The following EBF3 variants were observed in gnomAD, a reference collection of about 807,000 sequenced individuals.
EBF3 encodes the protein EBF transcription factor 3.
EBF3 carries 18 observed loss-of-function variants against 77.1 expected under a neutral mutation model. That is an observed-to-expected ratio of 0.23 (90% CI 0.16 to 0.35). EBF3 has a LOEUF of 0.35. Ranked by LOEUF, EBF3 falls within the 10% of genes least tolerant of loss-of-function variation. The pLI, the probability that EBF3 is intolerant of heterozygous loss-of-function variation, is 1.00. For synonymous variants in EBF3, 350 were observed against 343.5 expected, an observed-to-expected ratio of 1.02 and a Z score of -0.21; for missense variants, 558 against 860.0, an observed-to-expected ratio of 0.65 and a Z score of 4.39.
At chr10:129,893,568 A>G (rs951004637) in intron 6 of EBF3, among the ~76,000 whole-genome samples, 3 of 152,234 alleles carry the variant, frequency 2.0e-5, no homozygotes, top group Admixed American at 1.3e-4. Flanking sequence ...AAACTGTTAG[A>G]TTAGGAAGAT....
At chr10:129,903,784 T>C (rs79743198) in intron 6 of EBF3, among the ~76,000 whole-genome samples, 18,721 of 152,054 alleles carry the variant, frequency 0.12, 1,274 homozygotes, top group Non-Finnish European at 0.15. Flanking sequence ...CAGGCAGTCA[T>C]TTGGTGGAAT....
At chr10:129,912,202 C>G (rs1014214901) in intron 6 of EBF3, among the ~76,000 whole-genome samples, 2 of 152,170 alleles carry the variant, frequency 1.3e-5, no homozygotes. Flanking sequence ...CTCCTGGCCT[C>G]CAAGGTAGAG....
chr10:129,878,661 C>CCAAA (rs1482298311), intron 6 of EBF3, among the ~76,000 whole-genome samples: 2 of 34,850 alleles, frequency 5.7e-5, no homozygotes, highest in African/African-American at 2.6e-4. Context: ...GGCTCTGTCT[C>CCAAA]AAAAAAAAAA....
At chr10:129,838,793 C>A (rs1849794969) in intron 16 of EBF3, among the ~76,000 whole-genome samples, 1 of 152,248 alleles carries the variant, frequency 6.6e-6, no homozygotes, top group Non-Finnish European at 1.5e-5. Flanking sequence ...ACGTGAGCTT[C>A]AATTTCTCAG....
At chr10:129,906,150 T>C (rs1476110384) in intron 6 of EBF3, among the ~76,000 whole-genome samples, 1 of 152,212 alleles carries the variant, frequency 6.6e-6, no homozygotes, top group Non-Finnish European at 1.5e-5. Context: ...ATGCAATCGA[T>C]AGGGAGTGAC....
At chr10:129,907,345 G>C (rs1855216625) in intron 6 of EBF3, among the ~76,000 whole-genome samples, 1 of 152,120 alleles carries the variant, frequency 6.6e-6, no homozygotes, top group African/African-American at 2.4e-5. Context: ...CAGGTATCCT[G>C]CACTGACTTG....
chr10:129,890,320 C>T (rs184593648), intron 6 of EBF3, among the ~76,000 whole-genome samples: 6 of 152,314 alleles, frequency 3.9e-5, no homozygotes, highest in East Asian at 3.9e-4. Flanking sequence ...AGACCCCAGG[C>T]GGCAGGCCGG....
chr10:129,918,950 A>G (rs1856081210), intron 6 of EBF3, among the ~76,000 whole-genome samples: 1 of 152,274 alleles, frequency 6.6e-6, no homozygotes, highest in East Asian at 1.9e-4. Flanking sequence ...TGTGCTCTGG[A>G]GGAGGCTAGA....
intron 6 of EBF3, among the ~76,000 whole-genome samples, chr10:129,928,772 G>A (rs1856830186): frequency 6.6e-6 from 1 of 152,184 alleles, no homozygotes. Context: ...TTTCTGTTCT[G>A]AGAGTCAGTT....
In EBF3 at chr10:129,924,429, AC is replaced by A. The variant is rs372554174; in HGVS notation, c.554+32828del. On this transcript the variant is annotated intron_variant, in intron 6 of 16. Coordinates refer to ENST00000440978, the MANE Select transcript of EBF3 (RefSeq NM_001375380.1). ...GACTCCGTCTCAAACAACAACAACAACAAAAAAAAAAAAAAACAAAAAACAA... is the reference window on the plus strand; with the variant it reads ...GACTCCGTCTCAAACAACAACAACAAAAAAAAAAAAAAAAACAAAAAACAA... 2.1e-3 allele frequency among the ~76,000 whole-genome samples: 292 copies of A among 139,160 alleles called. 1 individual carries two copies. The highest frequency in any genetic ancestry group is 7.2e-3 in the Middle Eastern group (2 of 276). The allele number at this position is 139,160 out of a possible 152,430, so 91.3% of individuals were successfully genotyped here. A position where few individuals can be genotyped will look rare whatever the true frequency, so the allele number is the denominator to read the frequency against.
chr10:129,924,020 T>A (rs1342310215), intron 6 of EBF3, among the ~76,000 whole-genome samples: 1 of 152,182 alleles, frequency 6.6e-6, no homozygotes, highest in Non-Finnish European at 1.5e-5. Flanking sequence ...GGCCGATGTA[T>A]GTCTTCTTGG....
chr10:129,845,314 T>C (rs1471378748), intron 11 of EBF3: 1 of 152,234 alleles, frequency 6.6e-6, no homozygotes, highest in African/African-American at 2.4e-5. Flanking sequence ...TCGATGGAAA[T>C]TTCTTAGCCA....
Position 129,953,195 on chromosome 10 carries a change from C to T in EBF3, c.554+4063G>A, listed in dbSNP as rs116531605. Among the ~76,000 whole-genome samples the T allele has an allele frequency of 7.3e-3, 1,101 of 150,854 alleles. 16 individuals are homozygous for T. The highest frequency in any genetic ancestry group is 0.025 in the African/African-American group (1,042 of 40,934). On this transcript the variant is annotated intron_variant, in intron 6 of 16. Transcript: ENST00000440978. ...ATGGCTGTGCAGGGTAGGGGGGGCGCAGAGCTGAAATGGGGGTAGTCAGGT... is the reference window on the plus strand; with the variant it reads ...ATGGCTGTGCAGGGTAGGGGGGGCGTAGAGCTGAAATGGGGGTAGTCAGGT...
Position 129,963,507 on chromosome 10 carries a change from G to T in EBF3, c.151C>A (p.Arg51=), listed in dbSNP as rs1408675591. Reference sequence around the variant, plus strand: ...GGCGGCTGCTTCTCGAAGTGCGCCCGCGCCAGCCCCACGCCGCTGCGGGAG... The same window carrying T: ...GGCGGCTGCTTCTCGAAGTGCGCCCTCGCCAGCCCCACGCCGCTGCGGGAG... ...TAAQSGVGLA[R]AHFEKQPPSN... Residue 51 remains arginine, a synonymous_variant, in exon 2 of 17, where the codon CGG becomes AGG. Transcript: ENST00000440978. This position sits in a 1 kb window ranked among gnomAD's most constrained non-coding sequence, Gnocchi z 7.1. 1 of 1,560,948 alleles carries T rather than the reference G, an allele frequency of 6.4e-7. No individual in the cohort carries two copies. The highest frequency in any genetic ancestry group is 1.4e-5 in the African/African-American group (1 of 70,810).
chr10:129,962,876 C>T, intron 3 of EBF3, 66 bp downstream of exon 3: 1 of 1,576,120 alleles, frequency 6.3e-7, no homozygotes, highest in South Asian at 1.1e-5. Context: ...TCTTTATGTC[C>T]TTTCACCAGC....
chr10:129,962,467 C>T (rs1276987953), intron 3 of EBF3, among the ~76,000 whole-genome samples: 2 of 151,824 alleles, frequency 1.3e-5, no homozygotes, highest in Non-Finnish European at 2.9e-5. Context: ...AGGAACTTGC[C>T]TGGTGGAGAG....
intron 6 of EBF3, among the ~76,000 whole-genome samples, chr10:129,940,280 C>T (rs1413372): frequency 0.4 from 60,040 of 151,982 alleles, 12,246 homozygotes; most frequent in Non-Finnish European, 0.44. Flanking sequence ...CAAAACCCCA[C>T]GCATTTCAAG....
rs1467099839 is a variant in EBF3, at chr10:129,943,396, T to C, written c.554+13862A>G. On this transcript the variant is annotated intron_variant, in intron 6 of 16. Transcript: ENST00000440978. This position sits in a 1 kb window ranked among gnomAD's most constrained non-coding sequence, Gnocchi z 8.8. ...TCTTAAGCACAAGAAGGTTGTCTTA[T>C]AGGCTTGGCTGGATAATTTCATTTT... Among the ~76,000 whole-genome samples, 1 of 152,252 alleles carries C rather than the reference T, an allele frequency of 6.6e-6. No individual in the cohort carries two copies. Among genetic ancestry groups the C allele is most frequent in the Non-Finnish European group, 1.5e-5 (1 of 68,048 alleles).
At chr10:129,865,685 G>A (rs189369670) in intron 10 of EBF3, among the ~76,000 whole-genome samples, 67 of 152,308 alleles carry the variant, frequency 4.4e-4, no homozygotes, top group African/African-American at 1.6e-3. Context: ...GATGTACAGT[G>A]GGCAGCGGCA....
Sources: allele counts gnomAD v4.1 joint callset (sites outside exome capture counted in the v4.1 genomes callset), GRCh38; gene constraint gnomAD v4.1.1; non-coding constraint Gnocchi (gnomAD v3.1); transcripts MANE v1.5; gene names NCBI Gene and HGNC (gene_info 2026-07-23, HGNC 2026-07-21).